Variants in SHISA9 observed in about 807,000 individuals in gnomAD.
SHISA9 encodes shisa family member 9.
In SHISA9, 13 loss-of-function variants were observed where a neutral mutation model predicts 38.0. The ratio of observed to expected loss-of-function variants is 0.34; its 90% CI spans 0.22 to 0.54. SHISA9 has a LOEUF of 0.54. Among genes scored for constraint, SHISA9 ranks in the 20% least tolerant of loss-of-function variants. The pLI is 0.91. For synonymous variants in SHISA9, 275 were observed against 242.0 expected (o/e 1.14, Z -1.27); for missense variants, 538 against 575.8 (o/e 0.93, Z 0.67).
chr16:13,303,187 T>C, the SHISA9 span, among the ~76,000 whole-genome samples: 1 of 152,106 alleles, frequency 6.6e-6, no homozygotes, highest in Non-Finnish European at 1.5e-5. Flanking sequence ...CCTCAAAAAG[T>C]CAAACATAGA....
chr16:13,096,108 C>T (rs181049132), intron 2 of SHISA9, among the ~76,000 whole-genome samples: 29 of 152,342 alleles, frequency 1.9e-4, no homozygotes, highest in Non-Finnish European at 3.4e-4. Context: ...AGTCACTTAA[C>T]TCCTTTAAGC....
intron 2 of SHISA9, among the ~76,000 whole-genome samples, chr16:13,178,568 C>T (rs2050751568): frequency 6.6e-6 from 1 of 152,088 alleles, no homozygotes; most frequent in Admixed American, 6.6e-5. Flanking sequence ...GGCTATTTGG[C>T]AGAGTCATCT....
intron 2 of SHISA9, among the ~76,000 whole-genome samples, chr16:13,088,856 C>T (rs2073742552): frequency 6.6e-6 from 1 of 152,168 alleles, no homozygotes; most frequent in Non-Finnish European, 1.5e-5. Context: ...TGTTGAATAG[C>T]AGTGGTGAGA....
At chr16:13,188,430 T>TG (rs1239218605) in intron 2 of SHISA9, among the ~76,000 whole-genome samples, 2 of 151,926 alleles carry the variant, frequency 1.3e-5, no homozygotes, top group Non-Finnish European at 2.9e-5. Flanking sequence ...CAGAAAGGTG[T>TG]GGGGAGGCTG....
chr16:13,252,111 G>T, the SHISA9 span, among the ~76,000 whole-genome samples: 5 of 152,076 alleles, frequency 3.3e-5, no homozygotes, highest in Admixed American at 3.3e-4. Context: ...TTAAATCAAA[G>T]TCCTTAAAAC....
chr16:13,067,863 C>T (rs1322257027), intron 2 of SHISA9, among the ~76,000 whole-genome samples: 1 of 152,226 alleles, frequency 6.6e-6, no homozygotes, highest in African/African-American at 2.4e-5. Context: ...TCACCACTCT[C>T]CTGTCCTCCC....
chr16:13,070,807 A>G (rs960068529), intron 2 of SHISA9, among the ~76,000 whole-genome samples: 2 of 152,208 alleles, frequency 1.3e-5, no homozygotes, highest in Non-Finnish European at 2.9e-5. Context: ...GAGGTCATAC[A>G]GTGGCTAAGT....
chr16:12,966,727 G>A (rs1271258670), intron 2 of SHISA9, among the ~76,000 whole-genome samples: 1 of 152,178 alleles, frequency 6.6e-6, no homozygotes, highest in East Asian at 1.9e-4. Flanking sequence ...ACAGTGCCTG[G>A]CACAGAGTAA....
At chr16:13,039,252 C>A (rs2073106828) in intron 2 of SHISA9, among the ~76,000 whole-genome samples, 1 of 152,184 alleles carries the variant, frequency 6.6e-6, no homozygotes, top group Non-Finnish European at 1.5e-5. Context: ...TTTCACTTCA[C>A]AAATGACTTT....
intron 2 of SHISA9, among the ~76,000 whole-genome samples, chr16:13,136,508 C>T (rs1377522617): frequency 6.8e-6 from 1 of 146,618 alleles, no homozygotes; most frequent in African/African-American, 2.6e-5. Context: ...AAGTGATTCT[C>T]CTGCCTCAGC....
At chr16:13,519,550 C>G in the SHISA9 span, among the ~76,000 whole-genome samples, 1 of 152,112 alleles carries the variant, frequency 6.6e-6, no homozygotes, top group Non-Finnish European at 1.5e-5. Context: ...CTATAGCTAT[C>G]TTTGTTTTTA....
At chr16:13,209,928 G>A (rs60829232) in intron 3 of SHISA9, among the ~76,000 whole-genome samples, 19,431 of 152,116 alleles carry the variant, frequency 0.13, 1,419 homozygotes, top group Middle Eastern at 0.18. Context: ...GTGAAACCCC[G>A]TCTCTACTAA....
At chr16:12,970,469 G>T (rs181626573) in intron 2 of SHISA9, among the ~76,000 whole-genome samples, 1 of 24,052 alleles carries the variant, frequency 4.2e-5, no homozygotes, top group African/African-American at 1.7e-4. Context: ...ATATGTGTGT[G>T]TATATATATA....
chr16:13,523,066 G>T, the SHISA9 span, among the ~76,000 whole-genome samples: 1 of 152,138 alleles, frequency 6.6e-6, no homozygotes, highest in African/African-American at 2.4e-5. Flanking sequence ...GGAAGACCCA[G>T]GCCAGGCTCG....
Position 13,019,813 on chromosome 16 carries a change from T to TTTCC in SHISA9, c.691+103001_691+103002insCTTC, listed in dbSNP as rs1281761512. Among the ~76,000 whole-genome samples, 4 of 143,284 alleles carry TTTCC rather than the reference T, an allele frequency of 2.8e-5. No homozygotes were observed. In the East Asian group the frequency reaches 8.5e-4, roughly 30 times the overall value. 94.0% of individuals were successfully genotyped at this position (143,284 alleles called of 152,430 possible). A position where few individuals can be genotyped will look rare whatever the true frequency, so the allele number is the denominator to read the frequency against. On this transcript the variant is annotated intron_variant, in intron 2 of 4. Coordinates refer to ENST00000558583, the MANE Select transcript of SHISA9 (RefSeq NM_001145204.3). ...CTTTCTTTCTTTCTTTCTTTCTTTC[T>TTTCC]TTCTTTCTTTCTTTCTTTCTTTTTC...
chr16:13,118,225 G>A (rs2074050444), intron 2 of SHISA9, among the ~76,000 whole-genome samples: 1 of 150,306 alleles, frequency 6.7e-6, no homozygotes, highest in African/African-American at 2.4e-5. Context: ...GCTGGGAGAT[G>A]ACACATTCAC....
At chr16:13,330,733 T>C in the SHISA9 span, among the ~76,000 whole-genome samples, 1 of 152,216 alleles carries the variant, frequency 6.6e-6, no homozygotes, top group Admixed American at 6.5e-5. Flanking sequence ...GTTGTGGGTG[T>C]CAAAGTTAAT....
chr16:13,190,869 C>T (rs2050878269), intron 2 of SHISA9, among the ~76,000 whole-genome samples: 1 of 151,952 alleles, frequency 6.6e-6, no homozygotes, highest in Admixed American at 6.6e-5. Context: ...TTGGGTAACA[C>T]CAATGCCTCA....
chr16:13,520,571 C>T, the SHISA9 span, among the ~76,000 whole-genome samples: 2 of 141,396 alleles, frequency 1.4e-5, no homozygotes, highest in South Asian at 4.5e-4. Flanking sequence ...CCATTGCACT[C>T]CAGCCTGGGC....
Sources: allele counts gnomAD v4.1 joint callset (sites outside exome capture counted in the v4.1 genomes callset), GRCh38; gene constraint gnomAD v4.1.1; transcripts MANE v1.5; gene names NCBI Gene and HGNC (gene_info 2026-07-23, HGNC 2026-07-21).